The following NFAM1 variants were observed in gnomAD, a reference collection of about 807,000 sequenced individuals.
NFAM1 encodes NFAT activation molecule 1.
In NFAM1, 17 loss-of-function variants were observed where a neutral mutation model predicts 29.0. The observed-to-expected ratio is 0.59, with a 90% CI of 0.40 to 0.88. The LOEUF is 0.88. Ranked by LOEUF, NFAM1 falls within the 40% of genes least tolerant of loss-of-function variation. NFAM1 has a pLI of 0.00. For synonymous variants in NFAM1, 175 were observed against 147.2 expected (o/e 1.19, Z -1.36); for missense variants, 324 against 344.6 (o/e 0.94, Z 0.47).
At chr22:42,391,424 G>T (rs1338789584) in intron 4 of NFAM1, among the ~76,000 whole-genome samples, 2 of 152,158 alleles carry the variant, frequency 1.3e-5, no homozygotes, top group Non-Finnish European at 2.9e-5. Flanking sequence ...ACCAACTGCA[G>T]GACTCCAGGC....
At chr22:42,403,000 A>C (rs1359382679) in intron 3 of NFAM1, among the ~76,000 whole-genome samples, 1 of 149,320 alleles carries the variant, frequency 6.7e-6, no homozygotes, top group Non-Finnish European at 1.5e-5. Flanking sequence ...ATGCCCGGCT[A>C]ATTTTTTTTT....
At chr22:42,403,724 TG>T (rs1305462211) in intron 3 of NFAM1, among the ~76,000 whole-genome samples, 1 of 152,206 alleles carries the variant, frequency 6.6e-6, no homozygotes, top group African/African-American at 2.4e-5. Flanking sequence ...TGCTAGAGGC[TG>T]GGGCTTGGGC....
chr22:42,408,749 C>T (rs1490820641), intron 3 of NFAM1, among the ~76,000 whole-genome samples: 1 of 152,188 alleles, frequency 6.6e-6, no homozygotes, highest in Non-Finnish European at 1.5e-5. Context: ...ATGAGGGGAG[C>T]CCCAGCAGAG....
chr22:42,431,644 C>T (rs778993476), intron 1 of NFAM1, among the ~76,000 whole-genome samples: 5 of 152,186 alleles, frequency 3.3e-5, no homozygotes, highest in Non-Finnish European at 7.3e-5. Flanking sequence ...GCGCCGCTGG[C>T]GTGGAAAGAC....
chr22:42,419,729 C>T lies in NFAM1; in HGVS notation c.122-7993G>A, dbSNP rs189452353. Among the ~76,000 whole-genome samples the T allele has an allele frequency of 6.6e-6, 1 of 152,202 alleles. No individual in the cohort carries two copies. Among genetic ancestry groups the T allele is most frequent in the Non-Finnish European group, 1.5e-5 (1 of 68,048 alleles). The stretch of plus-strand genomic sequence containing the variant: ...CCTACCCATTCCTTCCTCTCCTGGG[C>T]TTTGGGGTCCCCCTCTGTCTCCAGG... On this transcript the variant is annotated intron_variant, in intron 1 of 5. Transcript: ENST00000329021. This position sits in a 1 kb window ranked among gnomAD's most constrained non-coding sequence, Gnocchi z 4.5.
At chr22:42,401,579 A>T (rs1459695382) in intron 3 of NFAM1, among the ~76,000 whole-genome samples, 1 of 149,056 alleles carries the variant, frequency 6.7e-6, no homozygotes, top group African/African-American at 2.5e-5. Context: ...CTTCTTGAAA[A>T]CTCACATTAC....
chr22:42,396,809 C>T (rs1221940270), intron 4 of NFAM1, among the ~76,000 whole-genome samples: 2 of 152,256 alleles, frequency 1.3e-5, no homozygotes, highest in African/African-American at 4.8e-5. Flanking sequence ...GCAGACAAGG[C>T]TGTATCCTGG....
At chr22:42,421,293 A>G (rs906855877) in intron 1 of NFAM1, among the ~76,000 whole-genome samples, 3 of 152,120 alleles carry the variant, frequency 2.0e-5, no homozygotes, top group Admixed American at 2.0e-4. Context: ...TCTGTTAAAA[A>G]TACAAAAATT....
intron 3 of NFAM1, among the ~76,000 whole-genome samples, chr22:42,407,474 T>C (rs1929938417): frequency 6.6e-6 from 1 of 152,126 alleles, no homozygotes; most frequent in Non-Finnish European, 1.5e-5. Flanking sequence ...GTTCAAGCAA[T>C]TCTCCCACTT....
At chr22:42,415,939 CA>C in intron 1 of NFAM1, among the ~76,000 whole-genome samples, 1 of 152,170 alleles carries the variant, frequency 6.6e-6, no homozygotes. Flanking sequence ...AGGGAAGGAG[CA>C]GAAAGAGCCT....
At position 42,419,119 on chromosome 22, in the gene NFAM1, G is replaced by A. The variant is rs6519319; in HGVS notation, c.122-7383C>T. On this transcript the variant is annotated intron_variant, in intron 1 of 5. Coordinates refer to ENST00000329021, the MANE Select transcript of NFAM1 (RefSeq NM_145912.8). This position sits in a 1 kb window ranked among gnomAD's most constrained non-coding sequence, Gnocchi z 4.5. ...ACATGCCGAGTGAGTCCCTGGCGGG[G>A]TGTGCCCCCACGTGTTTGTGTGCCC... Among the ~76,000 whole-genome samples the A allele has an allele frequency of 0.36, 55,136 of 152,014 alleles. 10,630 individuals are homozygous for A. The highest frequency in any genetic ancestry group is 0.5 in the African/African-American group (20,778 of 41,432).
At chr22:42,421,460 A>AG (rs1930443910) in intron 1 of NFAM1, among the ~76,000 whole-genome samples, 1 of 150,898 alleles carries the variant, frequency 6.6e-6, no homozygotes, top group African/African-American at 2.4e-5. Flanking sequence ...AAAAAAAAAA[A>AG]AGAAAAGAAA....
At chr22:42,424,421 G>A (rs2103580) in intron 1 of NFAM1, among the ~76,000 whole-genome samples, 69,381 of 144,614 alleles carry the variant, frequency 0.48, 18,460 homozygotes, top group African/African-American at 0.77. Flanking sequence ...TCTCAAAAAA[G>A]AAACAAAAAA....
chr22:42,429,489 G>A (rs1930727514), intron 1 of NFAM1, among the ~76,000 whole-genome samples: 1 of 152,170 alleles, frequency 6.6e-6, no homozygotes, highest in Non-Finnish European at 1.5e-5. Flanking sequence ...GGTGGTGGGT[G>A]CCTGCAATCC....
At chr22:42,407,098 T>C (rs1022368192) in intron 3 of NFAM1, among the ~76,000 whole-genome samples, 1 of 142,572 alleles carries the variant, frequency 7.0e-6, no homozygotes, top group Admixed American at 7.1e-5. Flanking sequence ...TTTTTTTTTT[T>C]AGATGGAGTC....
chr22:42,420,609 T>C (rs1202576871), intron 1 of NFAM1, among the ~76,000 whole-genome samples: 1 of 151,420 alleles, frequency 6.6e-6, no homozygotes, highest in Non-Finnish European at 1.5e-5. Flanking sequence ...CTACTAAAAA[T>C]ACAAAAATTA....
At chr22:42,402,657 G>A (rs1601744594) in intron 3 of NFAM1, among the ~76,000 whole-genome samples, 1 of 152,074 alleles carries the variant, frequency 6.6e-6, no homozygotes, top group East Asian at 1.9e-4. Context: ...GGATGAGGAC[G>A]GGCCAGCCGC....
intron 1 of NFAM1, among the ~76,000 whole-genome samples, 198 bp downstream of exon 1, chr22:42,432,039 A>G (rs1930819642): frequency 6.6e-6 from 1 of 152,082 alleles, no homozygotes; most frequent in African/African-American, 2.4e-5. Flanking sequence ...CCTCCCCTTC[A>G]AAAGCCACCT....
At chr22:42,386,398 C>CAA (rs1260195910) in intron 5 of NFAM1, among the ~76,000 whole-genome samples, 11 of 142,970 alleles carry the variant, frequency 7.7e-5, no homozygotes, top group African/African-American at 1.3e-4. Flanking sequence ...AACAAACAAA[C>CAA]ACACACACAC....
Sources: allele counts gnomAD v4.1 joint callset (sites outside exome capture counted in the v4.1 genomes callset), GRCh38; gene constraint gnomAD v4.1.1; non-coding constraint Gnocchi (gnomAD v3.1); transcripts MANE v1.5; gene names NCBI Gene and HGNC (gene_info 2026-07-23, HGNC 2026-07-21).